Variants in RALGAPA1 observed in about 807,000 individuals in gnomAD.
RALGAPA1 encodes ral GTPase-activating protein subunit alpha-1.
Under a neutral mutation model 269.6 loss-of-function variants are expected in RALGAPA1, and 52 were observed. The observed-to-expected ratio is 0.19, with a 90% CI of 0.15 to 0.24. The LOEUF is 0.24. RALGAPA1 is among the 10% of genes least tolerant of loss of function. RALGAPA1 has a pLI of 1.00. For missense variants in RALGAPA1, 1,917 were observed against 3,013.9 expected, an observed-to-expected ratio of 0.64 and a Z score of 8.52; for synonymous variants, 817 against 1,008.3, an observed-to-expected ratio of 0.81 and a Z score of 3.60.
chr14:35,702,403 C>T (rs887124693), intron 16 of RALGAPA1, among the ~76,000 whole-genome samples: 3 of 152,082 alleles, frequency 2.0e-5, no homozygotes, highest in African/African-American at 7.2e-5. Flanking sequence ...ATGGAATATG[C>T]TAAGATAATG....
chr14:35,672,456 CT>C (rs1357882897), intron 25 of RALGAPA1, among the ~76,000 whole-genome samples: 1 of 151,778 alleles, frequency 6.6e-6, no homozygotes, highest in East Asian at 1.9e-4. Context: ...ATGTGATGTG[CT>C]GATTCTTAGA....
chr14:35,798,162 C>G (rs959790101), intron 1 of RALGAPA1, among the ~76,000 whole-genome samples: 5 of 147,320 alleles, frequency 3.4e-5, no homozygotes, highest in African/African-American at 1.3e-4. Context: ...TGCGAGCTAA[C>G]ACGCTCGGCT....
chr14:35,674,434 G>A (rs868061476), intron 23 of RALGAPA1, 82 bp downstream of exon 23: 11 of 1,336,704 alleles, frequency 8.2e-6, no homozygotes, highest in South Asian at 3.0e-5. Context: ...CAAAAAGGGT[G>A]TCACAAATGT....
intron 36 of RALGAPA1, among the ~76,000 whole-genome samples, chr14:35,601,990 T>C (rs775692543): frequency 4.6e-5 from 7 of 152,286 alleles, no homozygotes; most frequent in Non-Finnish European, 8.8e-5. Context: ...TGCCCTTAAC[T>C]AGCCCTAAGC....
chr14:35,677,532 A>T (rs1213386026), intron 22 of RALGAPA1: 1 of 153,032 alleles, frequency 6.5e-6, no homozygotes, highest in African/African-American at 2.4e-5. Context: ...ATCAAAATAA[A>T]AAAAATGGTT....
At chr14:35,711,019 G>A (rs2068281583) in intron 16 of RALGAPA1, among the ~76,000 whole-genome samples, 1 of 152,172 alleles carries the variant, frequency 6.6e-6, no homozygotes, top group Non-Finnish European at 1.5e-5. Flanking sequence ...TTTGTTAAAT[G>A]ACACGACTGC....
At chr14:35,598,761 T>C (rs2059089861) in intron 36 of RALGAPA1, among the ~76,000 whole-genome samples, 1 of 152,184 alleles carries the variant, frequency 6.6e-6, no homozygotes, top group South Asian at 2.1e-4. Flanking sequence ...AGGTAACACA[T>C]AGGTGGGTCA....
At chr14:35,600,267 A>G (rs1444629537) in intron 36 of RALGAPA1, among the ~76,000 whole-genome samples, 1 of 109,978 alleles carries the variant, frequency 9.1e-6, no homozygotes, top group Non-Finnish European at 1.7e-5. Context: ...GGTCTGCTCT[A>G]TCACCCAGGC....
At chr14:35,704,529 A>T (rs1427027000) in intron 16 of RALGAPA1, among the ~76,000 whole-genome samples, 1 of 152,166 alleles carries the variant, frequency 6.6e-6, no homozygotes, top group Admixed American at 6.5e-5. Context: ...AAACAAAAAA[A>T]TTCTCTTACA....
intron 27 of RALGAPA1, among the ~76,000 whole-genome samples, chr14:35,663,434 CA>C (rs369825286): frequency 7.4e-4 from 105 of 142,544 alleles, no homozygotes; most frequent in East Asian, 4.5e-3. Flanking sequence ...AAAACAAAAA[CA>C]AAAAAAAAAA....
At chr14:35,660,363 A>C (rs986969616) in intron 27 of RALGAPA1, among the ~76,000 whole-genome samples, 6 of 152,232 alleles carry the variant, frequency 3.9e-5, no homozygotes, top group African/African-American at 1.4e-4. Flanking sequence ...ACTAACAGTG[A>C]ACTATCTGAA....
At chr14:35,595,503 C>T in intron 37 of RALGAPA1, 131 bp downstream of exon 37, 1 of 758,544 alleles carries the variant, frequency 1.3e-6, no homozygotes, top group East Asian at 2.5e-5. Flanking sequence ...ATTTTCAAGA[C>T]AGCACTGGGT....
chr14:35,682,557 C>T (rs982559830), intron 21 of RALGAPA1, among the ~76,000 whole-genome samples: 4 of 152,122 alleles, frequency 2.6e-5, no homozygotes, highest in Non-Finnish European at 2.9e-5. Flanking sequence ...CTGCCCGCCT[C>T]GGCTCCCCAA....
intron 21 of RALGAPA1, among the ~76,000 whole-genome samples, chr14:35,682,687 C>T (rs1336092148): frequency 6.6e-6 from 1 of 152,070 alleles, no homozygotes; most frequent in Non-Finnish European, 1.5e-5. Flanking sequence ...TGGTTACTAT[C>T]AATGTTAAGT....
At chr14:35,684,826 A>G in intron 20 of RALGAPA1, 103 bp downstream of exon 20, 1 of 1,206,550 alleles carries the variant, frequency 8.3e-7, no homozygotes. Context: ...CCACTGCCTA[A>G]GTAACACTGG....
intron 39 of RALGAPA1, 32 bp from the exon 40 acceptor site, chr14:35,549,266 T>G (rs1451908370): frequency 2.7e-5 from 43 of 1,606,860 alleles, no homozygotes; most frequent in Non-Finnish European, 3.5e-5. Context: ...TAAACTTAAG[T>G]GCAGCTTATA....
chr14:35,796,456 G>A (rs2076568040), intron 1 of RALGAPA1, among the ~76,000 whole-genome samples: 1 of 152,172 alleles, frequency 6.6e-6, no homozygotes, highest in East Asian at 1.9e-4. Context: ...CGTAAGGCGG[G>A]GAGAAAGAAG....
chr14:35,777,192 G>GTGCT (rs1053923954), intron 1 of RALGAPA1, among the ~76,000 whole-genome samples: 3 of 152,070 alleles, frequency 2.0e-5, no homozygotes, highest in Non-Finnish European at 4.4e-5. Context: ...CCATTTTTAA[G>GTGCT]TGCTACCAAT....
intron 27 of RALGAPA1, among the ~76,000 whole-genome samples, chr14:35,660,712 A>C (rs1216348297): frequency 6.6e-6 from 1 of 152,128 alleles, no homozygotes; most frequent in Non-Finnish European, 1.5e-5. Context: ...CCCTTGAAGG[A>C]CTAATGGATA....
Sources: allele counts gnomAD v4.1 joint callset (sites outside exome capture counted in the v4.1 genomes callset), GRCh38; gene constraint gnomAD v4.1.1; transcripts MANE v1.5; gene names NCBI Gene and HGNC (gene_info 2026-07-23, HGNC 2026-07-21).